TOP2B: variants seen among roughly 807,000 people sequenced by gnomAD.
TOP2B encodes DNA topoisomerase 2-beta.
TOP2B carries 51 observed loss-of-function variants against 193.5 expected under a neutral mutation model. The observed-to-expected ratio is 0.26, with a 90% confidence interval of 0.21 to 0.33. The LOEUF is 0.33. TOP2B is among the 10% of genes least tolerant of loss of function. TOP2B has a pLI of 1.00. For missense variants in TOP2B, 1,378 were observed against 1,909.3 expected (o/e 0.72, Z 5.19); for synonymous variants, 634 against 635.7 (o/e 1.00, Z 0.04).
chr3:25,598,556 C>T lies in TOP2B; in HGVS notation c.4711-79G>A, dbSNP rs1051578190. ...TTAAGAACTATCACTCCTTAAACTT[C>T]GCTTATGTTTAGGAAGTATTACAAA... On this transcript the variant is annotated intron_variant, in intron 35 of 35. Transcript: ENST00000264331. 14 of 1,129,188 alleles carry T rather than the reference C, an allele frequency of 1.2e-5. No homozygotes were observed. The Middle Eastern group carries it at 8.9e-4, about 72-fold the overall frequency. 69.9% of individuals were successfully genotyped at this position (1,129,188 alleles called of 1,614,324 possible).
intron 8 of TOP2B, among the ~76,000 whole-genome samples, chr3:25,633,441 A>G (rs1251273412): frequency 2.6e-5 from 4 of 152,138 alleles, no homozygotes; most frequent in African/African-American, 9.7e-5. Context: ...CCAACCTAGG[A>G]GTTCTGTGAA....
intron 1 of TOP2B, 49 bp downstream of exon 1, chr3:25,664,180 C>T: frequency 9.1e-6 from 14 of 1,537,074 alleles, no homozygotes; most frequent in Non-Finnish European, 1.2e-5. Flanking sequence ...CCGCCCCCGC[C>T]GCGGGCCCGG....
At chr3:25,649,904 C>A (rs1383985794) in intron 1 of TOP2B, among the ~76,000 whole-genome samples, 2 of 152,138 alleles carry the variant, frequency 1.3e-5, no homozygotes, top group African/African-American at 4.8e-5. Context: ...TATTTCTCAA[C>A]AAAAGCTCCA....
In TOP2B at chr3:25,601,205, C is replaced by G. The variant is rs773139821; in HGVS notation, c.4510G>C (p.Val1504Leu). ...AKKGKPSSDTVPKPKRAPKQK... is the reference protein window; with the variant it reads ...AKKGKPSSDTLPKPKRAPKQK... ...TTTGGGGCTCTCTTGGGCTTAGGGACTGTATCTGAAGACGGTTTTCCTAGT... is the reference window on the plus strand; with the variant it reads ...TTTGGGGCTCTCTTGGGCTTAGGGAGTGTATCTGAAGACGGTTTTCCTAGT... The change falls in exon 34 of 36, where the codon GTC becomes CTC. Residue 1504 changes from valine (V) to leucine (L), a missense_variant. By Grantham distance (32) the Val-to-Leu change is conservative. This residue lies in a region of TOP2B where 556 missense variants were observed against 584.2 expected (regional missense o/e 0.95). Coordinates refer to ENST00000264331, the MANE Select transcript of TOP2B (RefSeq NM_001330700.2). 1 of 1,613,356 alleles carries G rather than the reference C, an allele frequency of 6.2e-7. No homozygotes were observed. The highest frequency in any genetic ancestry group is 8.5e-7 in the Non-Finnish European group (1 of 1,179,634).
chr3:25,628,682 T>C (rs1314460986), intron 15 of TOP2B, among the ~76,000 whole-genome samples, 165 bp downstream of exon 15: 1 of 151,878 alleles, frequency 6.6e-6, no homozygotes, highest in Non-Finnish European at 1.5e-5. Context: ...ATGAAATCTA[T>C]TACACTATTC....
chr3:25,638,377 A>G (rs1703167278), intron 4 of TOP2B, 67 bp from the exon 5 acceptor site: 1 of 1,381,934 alleles, frequency 7.2e-7, no homozygotes, highest in African/African-American at 1.5e-5. Flanking sequence ...TTAAAATAGT[A>G]AAGATAAATT....
At chr3:25,616,848 G>A (rs1575567710) in intron 25 of TOP2B, among the ~76,000 whole-genome samples, 1 of 151,468 alleles carries the variant, frequency 6.6e-6, no homozygotes, top group African/African-American at 2.4e-5. Context: ...ATCTATCACC[G>A]TTAACATAAA....
At chr3:25,621,764 G>A (rs58210941) in intron 21 of TOP2B, among the ~76,000 whole-genome samples, 3 of 152,046 alleles carry the variant, frequency 2.0e-5, no homozygotes, top group Non-Finnish European at 4.4e-5. Flanking sequence ...CAAAGCAGGC[G>A]GATCACTTGA....
At chr3:25,609,465 T>C in intron 29 of TOP2B, 103 bp downstream of exon 29, 2 of 1,473,692 alleles carry the variant, frequency 1.4e-6, no homozygotes, top group Non-Finnish European at 1.8e-6. Context: ...ATTGAAGGCA[T>C]TATTTCAACT....
rs1261632099 is a variant in TOP2B at position 25,609,860 on chromosome 3, G to C, written c.3787-148C>G. ...AGGTCCTAACAGCTGACTTTGATCA[G>C]ACCATGTTTTACTTCACTTATCTAT... On this transcript the variant is annotated intron_variant, in intron 28 of 35. Transcript: ENST00000264331. 6 of 678,420 alleles carry C rather than the reference G, an allele frequency of 8.8e-6. No homozygotes were observed. The African/African-American group carries it at 9.5e-5, about 11-fold the overall frequency. 42.0% of individuals were successfully genotyped at this position (678,420 alleles called of 1,614,324 possible).
Position 25,618,588 on chromosome 3 carries a change from T to G in TOP2B, c.3259+66A>C, listed in dbSNP as rs186044757. 6.6e-6 allele frequency: 10 copies of G among 1,522,924 alleles called. No homozygotes were observed. The East Asian group carries it at 2.1e-4, about 32-fold the overall frequency. 94.3% of individuals were successfully genotyped at this position (1,522,924 alleles called of 1,614,324 possible). On this transcript the variant is annotated intron_variant, in intron 24 of 35. Coordinates refer to ENST00000264331, the MANE Select transcript of TOP2B (RefSeq NM_001330700.2). Reference sequence around the variant, plus strand: ...TGCTTATATTCTACTGATAAAAATGTCTTCTATTAATAAAGTTTTTTTTCC... The same window carrying G: ...TGCTTATATTCTACTGATAAAAATGGCTTCTATTAATAAAGTTTTTTTTCC...
At chr3:25,617,713 G>T (rs1702542207) in intron 25 of TOP2B, among the ~76,000 whole-genome samples, 2 of 152,064 alleles carry the variant, frequency 1.3e-5, no homozygotes, top group Admixed American at 1.3e-4. Flanking sequence ...ATAAATTTCT[G>T]TTCTCAATCA....
At position 25,632,702 on chromosome 3, in the gene TOP2B, T is replaced by C. The variant is rs1352003222; in HGVS notation, c.1119A>G (p.Lys373=). 1.2e-6 allele frequency: 2 copies of C among 1,612,948 alleles called. No individual in the cohort carries two copies. The highest frequency in any genetic ancestry group is 1.7e-5 in the Admixed American group (1 of 59,972). ...ATAACACATCCCTTACTTGAAATGGTTTCACTGATACACCAGCTTTGTTCT... is the reference window on the plus strand; with the variant it reads ...ATAACACATCCCTTACTTGAAATGGCTTCACTGATACACCAGCTTTGTTCT... ...KKKNKAGVSV[K]PFQVKNHIWV... Residue 373 remains lysine, a synonymous_variant, in exon 9 of 36, where the codon AAA becomes AAG. Coordinates refer to ENST00000264331, the MANE Select transcript of TOP2B (RefSeq NM_001330700.2).
At chr3:25,620,864 T>C (rs535812112) in intron 21 of TOP2B, 48 bp from the exon 22 acceptor site, 1 of 1,589,252 alleles carries the variant, frequency 6.3e-7, no homozygotes, top group African/African-American at 1.3e-5. Flanking sequence ...TGAGTACCAG[T>C]ACCATGAGTC....
chr3:25,631,806 G>A (rs1428894905), intron 10 of TOP2B, among the ~76,000 whole-genome samples: 1 of 151,910 alleles, frequency 6.6e-6, no homozygotes, highest in Non-Finnish European at 1.5e-5. Context: ...ATTTCTACAG[G>A]CCTTAAGTTA....
intron 7 of TOP2B, among the ~76,000 whole-genome samples, chr3:25,634,703 C>T (rs531337097): frequency 6.7e-6 from 1 of 149,252 alleles, no homozygotes; most frequent in Non-Finnish European, 1.5e-5. Flanking sequence ...GGTTTCCCCT[C>T]TGCACTCCCA....
chr3:25,631,044 T>G (rs773902661), intron 10 of TOP2B, 105 bp from the exon 11 acceptor site: 101 of 974,268 alleles, frequency 1.0e-4, no homozygotes, highest in Non-Finnish European at 1.4e-4. Context: ...AATTTTAAGG[T>G]ATTTTAGGGC....
chr3:25,656,348 C>T (rs1703745721), intron 1 of TOP2B, among the ~76,000 whole-genome samples: 1 of 152,114 alleles, frequency 6.6e-6, no homozygotes, highest in South Asian at 2.1e-4. Context: ...CCTGTCGTCC[C>T]AGCTACTCTG....
Position 25,624,728 on chromosome 3 carries a change from T to C in TOP2B, c.2300A>G (p.Gln767Arg). The C allele has an allele frequency of 6.2e-7, 1 of 1,613,874 alleles. No homozygotes were observed. The highest frequency in any genetic ancestry group is 8.5e-7 in the Non-Finnish European group (1 of 1,179,804). Reference sequence around the variant, plus strand: ...CATCTCAGCAACAGAGCCAGCCAACTGGGCAACTTTTACTTCACGTTTATC... The same window carrying C: ...CATCTCAGCAACAGAGCCAGCCAACCGGGCAACTTTTACTTCACGTTTATC... ...RNDKREVKVA[Q>R]LAGSVAEMSA... Residue 767 changes from glutamine to arginine, a missense_variant, in exon 19 of 36, where the codon CAG becomes CGG. Gln to Arg is a conservative substitution (Grantham distance 43, BLOSUM62 1). Transcript: ENST00000264331.
Sources: allele counts gnomAD v4.1 joint callset (sites outside exome capture counted in the v4.1 genomes callset), GRCh38; gene constraint gnomAD v4.1.1; regional missense constraint gnomAD v4.1.1; transcripts MANE v1.5; gene names NCBI Gene and HGNC (gene_info 2026-07-23, HGNC 2026-07-21).